GLIS3: variants seen among roughly 807,000 people sequenced by gnomAD.
The protein encoded by GLIS3 is GLIS family zinc finger 3.
In GLIS3, 53 loss-of-function variants were observed where a neutral mutation model predicts 78.6. That is an observed-to-expected ratio of 0.67 (90% CI 0.54 to 0.85). The LOEUF is 0.85. Among genes scored for constraint, GLIS3 ranks in the 40% least tolerant of loss-of-function variants. The probability of loss-of-function intolerance (pLI) is 0.00; values close to 1 mark genes in which losing one functional copy is unlikely to be tolerated. For synonymous variants in GLIS3, 684 were observed against 509.9 expected (o/e 1.34, Z -4.60); for missense variants, 1,703 against 1,231.1 (o/e 1.38, Z -5.74).
chr9:4,271,404 G>C (rs1165873103), intron 2 of GLIS3, among the ~76,000 whole-genome samples: 1 of 152,132 alleles, frequency 6.6e-6, no homozygotes, highest in Non-Finnish European at 1.5e-5. Flanking sequence ...CCTCCATATT[G>C]TTCAAAGGTC....
chr9:4,046,942 TG>T (rs1487850068), intron 4 of GLIS3, among the ~76,000 whole-genome samples: 5 of 152,210 alleles, frequency 3.3e-5, no homozygotes, highest in African/African-American at 1.2e-4. Flanking sequence ...GTTTAAGCCC[TG>T]GCAGATGCTC....
intron 2 of GLIS3, among the ~76,000 whole-genome samples, chr9:4,185,121 A>G (rs1260795262): frequency 2.6e-5 from 4 of 152,090 alleles, no homozygotes; most frequent in African/African-American, 7.2e-5. Flanking sequence ...CCCATCTCCA[A>G]CCCTAGGCAA....
At chr9:4,124,396 G>A (rs1197146547) in intron 3 of GLIS3, among the ~76,000 whole-genome samples, 1 of 152,188 alleles carries the variant, frequency 6.6e-6, no homozygotes, top group Non-Finnish European at 1.5e-5. Context: ...TCTGTGCCCT[G>A]ACTACTGTCA....
chr9:3,955,226 T>C (rs1042334607), intron 4 of GLIS3, among the ~76,000 whole-genome samples: 1 of 152,210 alleles, frequency 6.6e-6, no homozygotes, highest in Non-Finnish European at 1.5e-5. Context: ...TTCCTATCTT[T>C]AGTCATTGCA....
chr9:4,322,982 TG>T (rs1817556116), intron 2 of GLIS3, among the ~76,000 whole-genome samples: 1 of 152,220 alleles, frequency 6.6e-6, no homozygotes, highest in African/African-American at 2.4e-5. Flanking sequence ...ATGAAGTCCT[TG>T]CCCATGCCTA....
At chr9:4,399,360 G>A in the GLIS3 span, among the ~76,000 whole-genome samples, 4 of 152,134 alleles carry the variant, frequency 2.6e-5, no homozygotes, top group African/African-American at 9.7e-5. Flanking sequence ...GCCAAGCACT[G>A]CGCTAAGCTC....
chr9:4,288,783 C>T (rs916396251), intron 1 of GLIS3, among the ~76,000 whole-genome samples: 15 of 151,860 alleles, frequency 9.9e-5, no homozygotes, highest in African/African-American at 3.6e-4. Flanking sequence ...ACTAAGAAAG[C>T]AACAGCCAGA....
intron 4 of GLIS3, among the ~76,000 whole-genome samples, chr9:4,086,280 C>T (rs1166348989): frequency 1.3e-5 from 2 of 152,192 alleles, no homozygotes; most frequent in Admixed American, 1.3e-4. Flanking sequence ...GAATCATGAC[C>T]TCTATGAAAC....
At chr9:4,348,911 TTTC>T (rs1370754056), upstream of GLIS3, among the ~76,000 whole-genome samples, 12 of 152,222 alleles carry the variant, frequency 7.9e-5, no homozygotes, top group South Asian at 1.0e-3. Flanking sequence ...TGGATGGTGC[TTTC>T]TTCTTCTTTA....
At chr9:4,463,931 C>T in the GLIS3 span, among the ~76,000 whole-genome samples, 1 of 151,976 alleles carries the variant, frequency 6.6e-6, no homozygotes, top group Non-Finnish European at 1.5e-5. Flanking sequence ...TGAGTGAGAA[C>T]TGAGGGAGGA....
At chr9:4,103,015 A>T (rs1830489107) in intron 4 of GLIS3, among the ~76,000 whole-genome samples, 1 of 152,182 alleles carries the variant, frequency 6.6e-6, no homozygotes, top group African/African-American at 2.4e-5. Flanking sequence ...TTTGGACATG[A>T]CATAACACTC....
chr9:4,410,457 G>C, the GLIS3 span, among the ~76,000 whole-genome samples: 1 of 152,132 alleles, frequency 6.6e-6, no homozygotes, highest in African/African-American at 2.4e-5. Flanking sequence ...AGGATTTTAA[G>C]TATATATAAA....
Position 3,977,289 on chromosome 9 carries a change from A to G in GLIS3, c.1711-40100T>C, listed in dbSNP as rs1440287909. On this transcript the variant is annotated intron_variant, in intron 4 of 10. Coordinates refer to ENST00000381971, the MANE Select transcript of GLIS3 (RefSeq NM_001042413.2). The surrounding 1 kb of genome is among the most constrained non-coding windows in gnomAD (Gnocchi z 4.1). ...ATACACCAAGCAATGTTTAAAATGT[A>G]AGGACCGAGAGGAAAGCTCTTGGCT... Among the ~76,000 whole-genome samples the G allele has an allele frequency of 2.0e-5, 3 of 152,200 alleles. No homozygotes were observed. The highest frequency in any genetic ancestry group is 4.4e-5 in the Non-Finnish European group (3 of 68,028).
intron 6 of GLIS3, among the ~76,000 whole-genome samples, chr9:3,920,354 T>C (rs1824802990): frequency 6.6e-6 from 1 of 152,156 alleles, no homozygotes; most frequent in Non-Finnish European, 1.5e-5. Flanking sequence ...TTGGTGATGG[T>C]TGAAGAGATA....
chr9:4,178,098 A>G (rs2224491), intron 2 of GLIS3, among the ~76,000 whole-genome samples: 119,153 of 152,110 alleles, frequency 0.78, 46,910 homozygotes, highest in South Asian at 0.84. Flanking sequence ...ATCTTTTCAT[A>G]GGACTGTTTC....
At chr9:4,106,145 G>A (rs1264170585) in intron 4 of GLIS3, among the ~76,000 whole-genome samples, 3 of 152,156 alleles carry the variant, frequency 2.0e-5, no homozygotes, top group Non-Finnish European at 1.5e-5. Flanking sequence ...GACAAGCACT[G>A]CTGAATCACT....
chr9:4,397,644 G>A, the GLIS3 span, among the ~76,000 whole-genome samples: 9 of 113,582 alleles, frequency 7.9e-5, no homozygotes, highest in Non-Finnish European at 1.5e-4. Flanking sequence ...GGAAGAAAAG[G>A]AAGGAAGAAA....
intron 4 of GLIS3, among the ~76,000 whole-genome samples, chr9:4,053,705 T>TA (rs760535978): frequency 0.15 from 13,977 of 91,222 alleles, 1,460 homozygotes; most frequent in East Asian, 0.35. Flanking sequence ...TCTTTCTTCA[T>TA]AAAAAAAAAA....
chr9:4,311,574 A>G (rs7024944), intron 2 of GLIS3, among the ~76,000 whole-genome samples: 50,168 of 151,668 alleles, frequency 0.33, 8,715 homozygotes, highest in East Asian at 0.51. Flanking sequence ...CCTCCCTCCC[A>G]AGCCAGAATA....
Sources: gnomAD v4.1 joint callset for allele counts (sites outside exome capture counted in the v4.1 genomes callset) on GRCh38, gnomAD v4.1.1 for gene constraint, Gnocchi (gnomAD v3.1) non-coding constraint, MANE v1.5 for transcripts, NCBI Gene and HGNC (gene_info 2026-07-23, HGNC 2026-07-21) for gene names.